CC2D1A: variants seen among roughly 807,000 people sequenced by gnomAD.
CC2D1A encodes coiled-coil and C2 domain-containing protein 1A.
Under a neutral mutation model 123.8 loss-of-function variants are expected in CC2D1A, and 68 were observed. That is an observed-to-expected ratio of 0.55 (90% CI 0.45 to 0.67). CC2D1A has a LOEUF of 0.67. Ranked by LOEUF, CC2D1A falls within the 30% of genes least tolerant of loss-of-function variation. The pLI is 0.00. For synonymous variants in CC2D1A, 477 were observed against 528.0 expected (o/e 0.90, Z 1.32); for missense variants, 1,185 against 1,290.3 (o/e 0.92, Z 1.25).
chr19:13,929,325 C>T, intron 24 of CC2D1A, 54 bp from the exon 25 acceptor site: 2 of 1,577,516 alleles, frequency 1.3e-6, no homozygotes, highest in Non-Finnish European at 1.7e-6. Context: ...TTTGAATTAA[C>T]AGGGTTGGGC....
intron 1 of CC2D1A, among the ~76,000 whole-genome samples, chr19:13,909,370 TG>T: frequency 6.6e-6 from 1 of 151,080 alleles, no homozygotes; most frequent in South Asian, 2.1e-4. Context: ...AGCGAGACTC[TG>T]TGTCAAAAAA....
In CC2D1A at chr19:13,923,367, C is replaced by T. The variant is rs1275012985; in HGVS notation, c.1676C>T (p.Ala559Val). 1 of 1,611,296 alleles carries T rather than the reference C, an allele frequency of 6.2e-7. No individual in the cohort carries two copies. Among genetic ancestry groups the T allele is most frequent in the South Asian group, 1.1e-5 (1 of 91,052 alleles). ...PPAPVNKDDF[A>V]LVQRPGPGLS... ...GCCCCTGTCAACAAGGACGACTTTG[C>T]CCTGGTCCAGCGGCCTGGCCCGGGT... The change falls in exon 15 of 29, where the codon GCC becomes GTC. Residue 559 changes from alanine (A) to valine (V), a missense_variant. By Grantham distance (64) the Ala-to-Val change is moderately conservative. Transcript: ENST00000318003. This position sits in a 1 kb window ranked among gnomAD's most constrained non-coding sequence, Gnocchi z 5.3.
intron 24 of CC2D1A, among the ~76,000 whole-genome samples, chr19:13,929,008 T>C (rs905414285): frequency 4.5e-5 from 6 of 133,968 alleles, no homozygotes; most frequent in Non-Finnish European, 8.1e-5. Context: ...CATGCTCGGC[T>C]TTTTTTTTTT....
At chr19:13,909,579 G>A in intron 1 of CC2D1A, 1 of 569,990 alleles carries the variant, frequency 1.8e-6, no homozygotes, top group South Asian at 1.6e-5. Flanking sequence ...CACATCATAA[G>A]TGTGGATTCA....
Position 13,927,061 on chromosome 19 carries a change from G to C in CC2D1A, c.2209G>C (p.Glu737Gln). The change falls in exon 21 of 29, where the codon GAA becomes CAA. Residue 737 changes from glutamate (E) to glutamine (Q), a missense_variant. Physicochemically the swap from Glu to Gln is conservative, Grantham distance 29. Coordinates refer to ENST00000318003, the MANE Select transcript of CC2D1A (RefSeq NM_017721.5). ...RAIQTKGIKFEVVHKGGLFKT... is the reference protein window; with the variant it reads ...RAIQTKGIKFQVVHKGGLFKT... Reference sequence around the variant, plus strand: ...CATCCAGACCAAGGGCATCAAGTTCGAAGTGGTTCACAAGGGGTGAGCTAG... The same window carrying C: ...CATCCAGACCAAGGGCATCAAGTTCCAAGTGGTTCACAAGGGGTGAGCTAG... The C allele has an allele frequency of 6.2e-7, 1 of 1,614,062 alleles. No individual in the cohort carries two copies. Among genetic ancestry groups the C allele is most frequent in the African/African-American group, 1.3e-5 (1 of 75,042 alleles).
Position 13,923,663 on chromosome 19 carries a change from C to T in CC2D1A, c.1824-32C>T, listed in dbSNP as rs780386615. 1.9e-6 allele frequency: 3 copies of T among 1,612,898 alleles called. No individual in the cohort carries two copies. Among genetic ancestry groups the T allele is most frequent in the Non-Finnish European group, 2.5e-6 (3 of 1,178,810 alleles). On this transcript the variant is annotated intron_variant, in intron 16 of 28. Transcript: ENST00000318003. This position sits in a 1 kb window ranked among gnomAD's most constrained non-coding sequence, Gnocchi z 5.3. ...ACCCCCAGCCACCCATCCCCAGGGC[C>T]AGGGACATGAGCAGGGCCCTCCCAC...
rs1375040964 is a variant in CC2D1A, at chr19:13,930,392, G to A, written c.2853G>A (p.Arg951=). 1 of 1,610,824 alleles carries A rather than the reference G, an allele frequency of 6.2e-7. No homozygotes were observed. Among genetic ancestry groups the A allele is most frequent in the Non-Finnish European group, 8.5e-7 (1 of 1,178,168 alleles). ...TCCCCCAGCTGCAGCGGCTCCGCAG[G>A]TGAGGAGCCCATGGGGCGGGCAGCC... ...LVESELQRLR[R] Residue 951 remains arginine, a synonymous_variant, in exon 29 of 29, where the codon AGG becomes AGA. Transcript: ENST00000318003. The surrounding 1 kb of genome is among the most constrained non-coding windows in gnomAD (Gnocchi z 6.8).
chr19:13,924,401 A>G (rs1599400452), intron 17 of CC2D1A, among the ~76,000 whole-genome samples: 1 of 151,206 alleles, frequency 6.6e-6, no homozygotes, highest in Non-Finnish European at 1.5e-5. Context: ...CGATCTCTTG[A>G]CCTCGTGATC....
chr19:13,914,932 C>T (rs908205080), intron 6 of CC2D1A, among the ~76,000 whole-genome samples: 4 of 152,266 alleles, frequency 2.6e-5, no homozygotes, highest in African/African-American at 7.2e-5. Flanking sequence ...GATATGAACA[C>T]GGGGCTTTGC....
At position 13,923,155 on chromosome 19, in the gene CC2D1A, T is replaced by C. The variant is rs1041500472; in HGVS notation, c.1642-178T>C. 5.3e-5 allele frequency among the ~76,000 whole-genome samples: 8 copies of C among 150,626 alleles called. No individual in the cohort carries two copies. Among genetic ancestry groups the C allele is most frequent in the East Asian group, 2.0e-4 (1 of 5,128 alleles). On this transcript the variant is annotated intron_variant, in intron 14 of 28. Coordinates refer to ENST00000318003, the MANE Select transcript of CC2D1A (RefSeq NM_017721.5). The surrounding 1 kb of genome is among the most constrained non-coding windows in gnomAD (Gnocchi z 5.3). ...TTGCAGTGAGCTGAGATCCCGCCAT[T>C]GCACTCCAGCCTGGGCAACAGAGCG...
At position 13,924,593 on chromosome 19, in the gene CC2D1A, C is replaced by T. The variant is rs145970839; in HGVS notation, c.1940+782C>T. On this transcript the variant is annotated intron_variant, in intron 17 of 28. Coordinates refer to ENST00000318003, the MANE Select transcript of CC2D1A (RefSeq NM_017721.5). Reference sequence around the variant, plus strand: ...CAAGCAATTCTCCTGCCTCAGCCTCCCAAATAGCTGGGACTACAGGTGCCC... The same window carrying T: ...CAAGCAATTCTCCTGCCTCAGCCTCTCAAATAGCTGGGACTACAGGTGCCC... Among the ~76,000 whole-genome samples the T allele has an allele frequency of 2.7e-3, 411 of 152,216 alleles. 1 individual carries two copies. Among genetic ancestry groups the T allele is most frequent in the African/African-American group, 9.6e-3 (397 of 41,516 alleles).
rs779279312 is a variant in CC2D1A, at chr19:13,913,452, G to C, written c.562G>C (p.Glu188Gln). 6.2e-6 allele frequency: 10 copies of C among 1,614,078 alleles called. No homozygotes were observed. In the Admixed American group the frequency reaches 1.7e-4, roughly 27 times the overall value. ...CATCCGTAAGGGCAATGCCATTGACGAAGCGGACATCCCGCCGCCAGTGGC... is the reference window on the plus strand; with the variant it reads ...CATCCGTAAGGGCAATGCCATTGACCAAGCGGACATCCCGCCGCCAGTGGC... ...ASIRKGNAID[E>Q]ADIPPPVAIG... The change falls in exon 6 of 29, where the codon GAA (glutamate) becomes CAA (glutamine). Residue 188 changes from glutamate (E) to glutamine (Q), a missense_variant. Transcript: ENST00000318003.
intron 26 of CC2D1A, 106 bp from the exon 27 acceptor site, chr19:13,929,972 G>T: frequency 9.4e-7 from 1 of 1,068,412 alleles, no homozygotes; most frequent in South Asian, 1.5e-5. Context: ...GGGGCTCGGG[G>T]ATGGGCACCT....
At chr19:13,909,773 T>C (rs1970928071) in intron 1 of CC2D1A, 50 bp from the exon 2 acceptor site, 2 of 1,609,642 alleles carry the variant, frequency 1.2e-6, no homozygotes, top group South Asian at 2.2e-5. Context: ...TGGCTGCCTC[T>C]AGCCATGTGG....
chr19:13,913,092 C>T, intron 4 of CC2D1A, 76 bp from the exon 5 acceptor site: 1 of 1,434,104 alleles, frequency 7.0e-7, no homozygotes, highest in South Asian at 1.4e-5. Flanking sequence ...ATGGGGCCGA[C>T]TGTTACTGCA....
intron 2 of CC2D1A, among the ~76,000 whole-genome samples, chr19:13,911,523 T>TG (rs1274753812): frequency 2.7e-5 from 4 of 150,388 alleles, no homozygotes; most frequent in South Asian, 4.2e-4. Flanking sequence ...TGGGGTTTTT[T>TG]TTGTTGTTGT....
At chr19:13,914,840 G>A (rs1305005692) in intron 6 of CC2D1A, among the ~76,000 whole-genome samples, 4 of 152,166 alleles carry the variant, frequency 2.6e-5, no homozygotes, top group Non-Finnish European at 5.9e-5. Context: ...GTGCCATGTT[G>A]CCCAAGCTAG....
chr19:13,915,807 A>G (rs1328837001), intron 6 of CC2D1A, among the ~76,000 whole-genome samples: 1 of 152,126 alleles, frequency 6.6e-6, no homozygotes, highest in Non-Finnish European at 1.5e-5. Flanking sequence ...AGTCTGGGCA[A>G]CAGAGCAAGA....
chr19:13,924,637 T>G (rs968069248), intron 17 of CC2D1A, among the ~76,000 whole-genome samples: 14 of 152,240 alleles, frequency 9.2e-5, no homozygotes, highest in African/African-American at 3.4e-4. Context: ...GCCCAGCTAA[T>G]TTTTGTATTT....
Sources: allele counts gnomAD v4.1 joint callset (sites outside exome capture counted in the v4.1 genomes callset), GRCh38; gene constraint gnomAD v4.1.1; non-coding constraint Gnocchi (gnomAD v3.1); transcripts MANE v1.5; gene names NCBI Gene and HGNC (gene_info 2026-07-23, HGNC 2026-07-21).